ZFHX3: variants seen among roughly 807,000 people sequenced by gnomAD.
The protein encoded by ZFHX3 is zinc finger homeobox protein 3.
Under a neutral mutation model 279.1 loss-of-function variants are expected in ZFHX3, and 42 were observed. The observed-to-expected ratio is 0.15, with a 90% CI of 0.12 to 0.19. ZFHX3 has a LOEUF of 0.19. Ranked by LOEUF, ZFHX3 falls within the 10% of genes least tolerant of loss-of-function variation. The pLI, the probability that ZFHX3 is intolerant of heterozygous loss-of-function variation, is 1.00. For missense variants in ZFHX3, 4,981 were observed against 4,754.0 expected (o/e 1.05, Z -1.40); for synonymous variants, 2,293 against 1,957.8 (o/e 1.17, Z -4.52).
chr16:72,856,724 T>C (rs2037763670), intron 4 of ZFHX3, among the ~76,000 whole-genome samples: 1 of 152,034 alleles, frequency 6.6e-6, no homozygotes, highest in African/African-American at 2.4e-5. Context: ...CAAAATGAAG[T>C]GAAATTAGTT....
intron 2 of ZFHX3, among the ~76,000 whole-genome samples, chr16:72,957,038 T>C (rs753100791): frequency 5.9e-5 from 9 of 152,152 alleles, no homozygotes; most frequent in East Asian, 1.9e-4. Flanking sequence ...ATTGAAATGA[T>C]TGCCTCAGCT....
At chr16:72,970,614 C>T (rs961022466) in intron 1 of ZFHX3, among the ~76,000 whole-genome samples, 1 of 152,176 alleles carries the variant, frequency 6.6e-6, no homozygotes, top group Non-Finnish European at 1.5e-5. Flanking sequence ...CTTGCAAGCC[C>T]GCAGCTCACA....
chr16:73,743,655 CTACATATATA>C (rs1304621549), intron 1 of ZFHX3, among the ~76,000 whole-genome samples: 1 of 151,574 alleles, frequency 6.6e-6, no homozygotes, highest in Non-Finnish European at 1.5e-5. Flanking sequence ...CAGGTAACTC[CTACATATATA>C]TATACAAGAA....
intron 4 of ZFHX3, among the ~76,000 whole-genome samples, chr16:72,875,568 C>A (rs2038287709): frequency 6.6e-6 from 1 of 152,224 alleles, no homozygotes; most frequent in Non-Finnish European, 1.5e-5. Flanking sequence ...GCAGCTTTCA[C>A]TAGAAGAGCT....
chr16:73,645,097 G>A (rs940760936), intron 2 of ZFHX3, among the ~76,000 whole-genome samples: 1 of 152,154 alleles, frequency 6.6e-6, no homozygotes, highest in Non-Finnish European at 1.5e-5. Flanking sequence ...TTACAGTGAT[G>A]GATTTTAGTC....
At chr16:73,148,772 C>T (rs191592116) in intron 5 of ZFHX3, among the ~76,000 whole-genome samples, 180 of 151,278 alleles carry the variant, frequency 1.2e-3, no homozygotes, top group African/African-American at 4.2e-3. Flanking sequence ...CATGGAGAAA[C>T]CCTGTTTCTA....
chr16:73,869,985 G>A (rs1056944370), intron 1 of ZFHX3, among the ~76,000 whole-genome samples: 1 of 152,142 alleles, frequency 6.6e-6, no homozygotes, highest in African/African-American at 2.4e-5. Flanking sequence ...TCAGTGTCAA[G>A]CTTCTAACTG....
intron 4 of ZFHX3, among the ~76,000 whole-genome samples, chr16:72,869,683 C>T (rs2038108455): frequency 6.6e-6 from 1 of 152,210 alleles, no homozygotes; most frequent in Non-Finnish European, 1.5e-5. Flanking sequence ...TTAATGACCA[C>T]CACTTTCATT....
chr16:73,064,997 A>G (rs1965728347), intron 8 of ZFHX3, among the ~76,000 whole-genome samples: 1 of 152,254 alleles, frequency 6.6e-6, no homozygotes, highest in Non-Finnish European at 1.5e-5. Flanking sequence ...AACAAAGTGA[A>G]CAACTTGAGG....
chr16:73,481,747 C>T (rs1255818161), intron 2 of ZFHX3, among the ~76,000 whole-genome samples: 1 of 152,186 alleles, frequency 6.6e-6, no homozygotes, highest in African/African-American at 2.4e-5. Context: ...CCCACCTCTG[C>T]CTCTCAAAGT....
intron 2 of ZFHX3, among the ~76,000 whole-genome samples, chr16:73,505,530 G>T (rs55743898): frequency 6.6e-6 from 1 of 151,150 alleles, no homozygotes; most frequent in African/African-American, 2.4e-5. Context: ...ACTCTTAGGC[G>T]ATGACTAAAG....
intron 8 of ZFHX3, among the ~76,000 whole-genome samples, chr16:73,088,979 G>A (rs1037758450): frequency 1.3e-5 from 2 of 152,230 alleles, no homozygotes; most frequent in Non-Finnish European, 2.9e-5. Flanking sequence ...AAGGCCTTAG[G>A]ATTGGATGGG....
At chr16:73,566,727 T>G (rs2020456192) in intron 2 of ZFHX3, among the ~76,000 whole-genome samples, 1 of 143,892 alleles carries the variant, frequency 6.9e-6, no homozygotes, top group South Asian at 2.3e-4. Context: ...AGAGTTTCAC[T>G]CTTGTTGTCC....
chr16:73,590,379 G>C (rs146221364), intron 2 of ZFHX3, among the ~76,000 whole-genome samples: 2 of 152,306 alleles, frequency 1.3e-5, no homozygotes, highest in African/African-American at 4.8e-5. Context: ...AATTGTACAA[G>C]ATGAGCATGG....
At chr16:73,569,800 G>C (rs2051716044) in intron 2 of ZFHX3, among the ~76,000 whole-genome samples, 1 of 152,158 alleles carries the variant, frequency 6.6e-6, no homozygotes, top group Non-Finnish European at 1.5e-5. Context: ...CAGATGCCAG[G>C]ATGGAGCTCA....
At chr16:73,045,886 T>C (rs887196100) in intron 1 of ZFHX3, among the ~76,000 whole-genome samples, 2 of 151,862 alleles carry the variant, frequency 1.3e-5, no homozygotes, top group Non-Finnish European at 2.9e-5. Context: ...CTTGTGATTC[T>C]GAAAGGGCTG....
intron 2 of ZFHX3, among the ~76,000 whole-genome samples, chr16:73,549,391 G>A (rs2020170334): frequency 6.6e-6 from 1 of 152,004 alleles, no homozygotes; most frequent in African/African-American, 2.4e-5. Flanking sequence ...TGTTAATACA[G>A]GTTCTTTTTT....
intron 1 of ZFHX3, among the ~76,000 whole-genome samples, chr16:73,735,601 G>A (rs975309131): frequency 6.6e-6 from 1 of 152,088 alleles, no homozygotes; most frequent in Non-Finnish European, 1.5e-5. Context: ...TGCGATCACT[G>A]TACATTTGAG....
intron 3 of ZFHX3, among the ~76,000 whole-genome samples, chr16:72,932,108 T>C (rs1959844664): frequency 6.6e-6 from 1 of 152,202 alleles, no homozygotes; most frequent in South Asian, 2.1e-4. Flanking sequence ...ATAGTTCCCC[T>C]GAGTGTCCTG....
Sources: allele counts gnomAD v4.1 joint callset (sites outside exome capture counted in the v4.1 genomes callset), GRCh38; gene constraint gnomAD v4.1.1; transcripts MANE v1.5; gene names NCBI Gene and HGNC (gene_info 2026-07-23, HGNC 2026-07-21).